The following TPRG1 variants were observed in gnomAD, a reference collection of about 807,000 sequenced individuals.
TPRG1 encodes the protein tumor protein p63 regulated 1.
Under a neutral mutation model 29.3 loss-of-function variants are expected in TPRG1, and 29 were observed. The ratio of observed to expected loss-of-function variants is 0.99; its 90% CI spans 0.74 to 1.35. The LOEUF is 1.35. Ranked by LOEUF, TPRG1 falls within the 40% of genes most tolerant of loss-of-function variation. TPRG1 has a pLI of 0.00. For missense variants in TPRG1, 327 were observed against 335.0 expected (o/e 0.98, Z 0.19); for synonymous variants, 130 against 116.8 (o/e 1.11, Z -0.73).
chr3:189,307,931 C>T (rs1371132722), intron 4 of TPRG1, among the ~76,000 whole-genome samples: 1 of 152,108 alleles, frequency 6.6e-6, no homozygotes, highest in African/African-American at 2.4e-5. Flanking sequence ...CTTGCTGTGA[C>T]CTTTGCAGTA....
chr3:189,270,078 C>T (rs1436070565), intron 4 of TPRG1, among the ~76,000 whole-genome samples: 4 of 149,314 alleles, frequency 2.7e-5, no homozygotes, highest in Admixed American at 2.0e-4. Flanking sequence ...TGTAGAGTAA[C>T]GAGAGCACAA....
chr3:189,190,320 G>T (rs141879879), intron 1 of TPRG1, among the ~76,000 whole-genome samples: 141 of 152,300 alleles, frequency 9.3e-4, no homozygotes, highest in African/African-American at 3.3e-3. Flanking sequence ...GTTCACAGGT[G>T]ATGTGGGCAG....
At chr3:189,062,330 T>C (rs892478550) in intron 4 of TPRG1, among the ~76,000 whole-genome samples, 1 of 152,086 alleles carries the variant, frequency 6.6e-6, no homozygotes, top group Non-Finnish European at 1.5e-5. Flanking sequence ...AAAATAACTA[T>C]TGGATACTAG....
intron 3 of TPRG1, among the ~76,000 whole-genome samples, chr3:189,235,396 G>A (rs1451445255): frequency 2.0e-5 from 3 of 151,844 alleles, no homozygotes; most frequent in Admixed American, 2.0e-4. Context: ...AGAGTGAAAG[G>A]GAAGATGGAG....
At chr3:189,212,676 A>C (rs1471105287) in intron 2 of TPRG1, among the ~76,000 whole-genome samples, 11 of 152,070 alleles carry the variant, frequency 7.2e-5, no homozygotes, top group Non-Finnish European at 8.8e-5. Context: ...ATCACATCTG[A>C]TTTAGAGCTG....
At chr3:189,193,609 T>G (rs1584576) in intron 1 of TPRG1, among the ~76,000 whole-genome samples, 41,777 of 140,292 alleles carry the variant, frequency 0.3, 6,228 homozygotes, top group South Asian at 0.41. Flanking sequence ...CTTTTCATTC[T>G]TAGTTCTTTT....
At chr3:189,115,463 G>A (rs995348761) in intron 1 of TPRG1, among the ~76,000 whole-genome samples, 6 of 152,154 alleles carry the variant, frequency 3.9e-5, no homozygotes, top group African/African-American at 1.4e-4. Flanking sequence ...TTAGTGATTG[G>A]CAAGGGCTTA....
intron 3 of TPRG1, among the ~76,000 whole-genome samples, chr3:189,234,010 A>G (rs1045355128): frequency 6.6e-6 from 1 of 152,148 alleles, no homozygotes; most frequent in Non-Finnish European, 1.5e-5. Flanking sequence ...AGCTGGGACT[A>G]TAGCCGCGGA....
At chr3:189,064,324 T>C (rs1716296956) in intron 4 of TPRG1, among the ~76,000 whole-genome samples, 1 of 152,078 alleles carries the variant, frequency 6.6e-6, no homozygotes, top group Non-Finnish European at 1.5e-5. Flanking sequence ...TTCCAAGATC[T>C]CAATTCCCAA....
chr3:189,193,115 T>C (rs1731953109), intron 1 of TPRG1, among the ~76,000 whole-genome samples: 1 of 150,950 alleles, frequency 6.6e-6, no homozygotes, highest in Non-Finnish European at 1.5e-5. Flanking sequence ...GAATTCTCTC[T>C]TTGTTTTTGA....
In TPRG1 at chr3:189,119,845, G is replaced by T. The variant is rs997347924; in HGVS notation, c.-743-7212G>T. ...CCCAGTCTCAGGTATGTCTTTAATA[G>T]CAGTGTGAGAACAGACTAATACACG... is the stretch of plus-strand genomic sequence containing the variant. On this transcript the variant is annotated intron_variant, in intron 1 of 6. Transcript: ENST00000412373. Among the ~76,000 whole-genome samples, 7 of 152,142 alleles carry T rather than the reference G, an allele frequency of 4.6e-5. No individual in the cohort carries two copies. In the South Asian group the frequency reaches 1.4e-3, roughly 32 times the overall value.
intron 1 of TPRG1, among the ~76,000 whole-genome samples, chr3:189,206,184 A>C (rs1252914374): frequency 6.8e-6 from 1 of 146,260 alleles, no homozygotes; most frequent in African/African-American, 2.5e-5. Context: ...TATTTTAACA[A>C]ATTGGAATAA....
chr3:189,142,629 A>C (rs977139628), intron 3 of TPRG1, among the ~76,000 whole-genome samples: 1 of 152,204 alleles, frequency 6.6e-6, no homozygotes, highest in Non-Finnish European at 1.5e-5. Context: ...AAGACCAAAG[A>C]GACTCTAACT....
intron 1 of TPRG1, chr3:189,190,917 CATT>C (rs1295261352): frequency 1.0e-6 from 1 of 980,962 alleles, no homozygotes; most frequent in East Asian, 1.1e-4. Context: ...CAAAACCAAA[CATT>C]ATCCCTTTGC....
chr3:189,163,326 A>G (rs1012436848), intron 5 of TPRG1, among the ~76,000 whole-genome samples: 1 of 152,062 alleles, frequency 6.6e-6, no homozygotes, highest in Non-Finnish European at 1.5e-5. Context: ...TTCTCTGACT[A>G]TTTCTCTCTG....
intron 4 of TPRG1, among the ~76,000 whole-genome samples, chr3:189,093,008 T>C (rs1237119334): frequency 6.6e-6 from 1 of 150,992 alleles, no homozygotes; most frequent in African/African-American, 2.5e-5. Flanking sequence ...CTCCTTCTTC[T>C]TCTGTGATTA....
chr3:189,043,309 AT>A (rs1714750196), intron 4 of TPRG1, among the ~76,000 whole-genome samples: 1 of 152,164 alleles, frequency 6.6e-6, no homozygotes, highest in South Asian at 2.1e-4. Context: ...TTTAAAGGGT[AT>A]TGCAAAGACC....
rs1224761415 is a variant in TPRG1, at chr3:189,107,573, G to A, written c.-744+7369G>A. Among the ~76,000 whole-genome samples the A allele has an allele frequency of 2.0e-5, 3 of 151,918 alleles. No homozygotes were observed. The East Asian group carries it at 5.8e-4, about 29-fold the overall frequency. On this transcript the variant is annotated intron_variant, in intron 1 of 6. Coordinates refer to the TPRG1 transcript ENST00000412373. Reference sequence around the variant, plus strand: ...AGAAATTTCACCCCTTAGCCTTTTTGTTTTCCTATTGAATCATATCAATCT... The same window carrying A: ...AGAAATTTCACCCCTTAGCCTTTTTATTTTCCTATTGAATCATATCAATCT...
chr3:189,262,228 GTAT>G (rs1479216375), intron 4 of TPRG1, among the ~76,000 whole-genome samples: 1 of 151,194 alleles, frequency 6.6e-6, no homozygotes, highest in Non-Finnish European at 1.5e-5. Flanking sequence ...ATAAGTATAA[GTAT>G]AAGTATAAGT....
Sources: allele counts gnomAD v4.1 joint callset (sites outside exome capture counted in the v4.1 genomes callset), GRCh38; gene constraint gnomAD v4.1.1; transcripts MANE v1.5; gene names NCBI Gene and HGNC (gene_info 2026-07-23, HGNC 2026-07-21).